RAD54B: variants seen among roughly 807,000 people sequenced by gnomAD.
The protein encoded by RAD54B is RAD54 homolog B, also known as DNA repair and recombination protein RAD54B.
In RAD54B, 78 loss-of-function variants were observed where a neutral mutation model predicts 95.8. The ratio of observed to expected loss-of-function variants is 0.81; its 90% CI spans 0.68 to 0.98. The LOEUF is 0.98. Ranked by LOEUF, RAD54B falls within the 50% of genes least tolerant of loss-of-function variation. The probability of loss-of-function intolerance (pLI) is 0.00; values close to 1 mark genes in which losing one functional copy is unlikely to be tolerated. For synonymous variants in RAD54B, 328 were observed against 354.9 expected, an observed-to-expected ratio of 0.92 and a Z score of 0.85; for missense variants, 957 against 1,056.6, an observed-to-expected ratio of 0.91 and a Z score of 1.31.
intron 14 of RAD54B, among the ~76,000 whole-genome samples, chr8:94,377,911 G>A (rs2129947967): frequency 1.4e-5 from 2 of 146,678 alleles, no homozygotes; most frequent in Middle Eastern, 6.9e-3. Flanking sequence ...GGGAGGCGGA[G>A]CTTGCAGTGA....
At chr8:94,402,793 C>A (rs1811293915) in intron 6 of RAD54B, among the ~76,000 whole-genome samples, 1 of 152,086 alleles carries the variant, frequency 6.6e-6, no homozygotes, top group African/African-American at 2.4e-5. Flanking sequence ...TGAGAAGCAT[C>A]AGAAGCAAAT....
intron 3 of RAD54B, among the ~76,000 whole-genome samples, chr8:94,453,963 G>C (rs1176055407): frequency 6.6e-6 from 1 of 151,836 alleles, no homozygotes; most frequent in Non-Finnish European, 1.5e-5. Context: ...AGCTAATTTT[G>C]TATTTTTAGT....
At chr8:94,435,092 T>C (rs1011540036) in intron 3 of RAD54B, among the ~76,000 whole-genome samples, 5 of 152,164 alleles carry the variant, frequency 3.3e-5, no homozygotes, top group Admixed American at 1.3e-4. Context: ...ATACCTGCGA[T>C]GCAAAAAACA....
chr8:94,464,904 G>C (rs1237006891), intron 2 of RAD54B, among the ~76,000 whole-genome samples: 1 of 152,092 alleles, frequency 6.6e-6, no homozygotes. Context: ...GAGAGCAAAA[G>C]AGGGAGGGGG....
intron 2 of RAD54B, 72 bp downstream of exon 2, chr8:94,467,333 C>T: frequency 7.5e-7 from 1 of 1,325,366 alleles, no homozygotes; most frequent in African/African-American, 1.5e-5. Flanking sequence ...ACTGTTAACT[C>T]TTTAAATGGC....
intron 14 of RAD54B, among the ~76,000 whole-genome samples, chr8:94,375,751 C>T (rs1810552240): frequency 6.6e-6 from 1 of 151,944 alleles, no homozygotes; most frequent in Non-Finnish European, 1.5e-5. Flanking sequence ...GAAAAAGGTA[C>T]AGAAATATAA....
chr8:94,391,009 C>T (rs371911213), intron 10 of RAD54B, among the ~76,000 whole-genome samples: 38 of 152,226 alleles, frequency 2.5e-4, no homozygotes, highest in African/African-American at 8.4e-4. Context: ...GTCATGTTGG[C>T]ACTCAAAAAG....
chr8:94,431,199 T>C (rs187055050), intron 3 of RAD54B: 4 of 927,998 alleles, frequency 4.3e-6, no homozygotes, highest in Admixed American at 1.2e-4. Flanking sequence ...ACTTATAAAA[T>C]ACATAAAATT....
intron 2 of RAD54B, among the ~76,000 whole-genome samples, chr8:94,459,013 T>C (rs1376857798): frequency 6.6e-6 from 1 of 152,196 alleles, no homozygotes; most frequent in African/African-American, 2.4e-5. Flanking sequence ...TATCAGAAGT[T>C]TTTAAACAAA....
At chr8:94,375,339 C>T (rs551134698) in intron 14 of RAD54B, among the ~76,000 whole-genome samples, 47 of 152,216 alleles carry the variant, frequency 3.1e-4, no homozygotes, top group African/African-American at 1.1e-3. Context: ...GGGAAGGACC[C>T]GGTGGGAGAT....
rs1300230969 is a variant in RAD54B at position 94,391,610 on chromosome 8, T to C, written c.1808A>G (p.Lys603Arg). 6.2e-7 allele frequency: 1 copy of C among 1,612,794 alleles called. No homozygotes were observed. Among genetic ancestry groups the C allele is most frequent in the African/African-American group, 1.3e-5 (1 of 74,660 alleles). ...NHPCLLFNSI[K>R]EKECSSTCDK... is the part of the protein sequence containing the mutation. Reference sequence around the variant, plus strand: ...CAGTTTCAGATACTATGCACTTACCTTTATAGAGTTGAACAAAAGGCAGGG... The same window carrying C: ...CAGTTTCAGATACTATGCACTTACCCTTATAGAGTTGAACAAAAGGCAGGG... Residue 603 changes from lysine (K) to arginine (R), a missense_variant and splice_region_variant, in exon 10 of 15, where the codon AAG (lysine) becomes AGG (arginine). Transcript: ENST00000336148.
At chr8:94,458,835 C>A (rs1812836503) in intron 2 of RAD54B, among the ~76,000 whole-genome samples, 1 of 151,774 alleles carries the variant, frequency 6.6e-6, no homozygotes, top group South Asian at 2.1e-4. Context: ...CCACTGCATT[C>A]CAGCCTGGGC....
chr8:94,468,532 GA>G (rs56230686), intron 1 of RAD54B, among the ~76,000 whole-genome samples: 46,923 of 145,122 alleles, frequency 0.32, 7,750 homozygotes, highest in East Asian at 0.44. Flanking sequence ...TTAAAATTAA[GA>G]AAAAAAAAAA....
At chr8:94,403,391 T>C (rs1811307290) in intron 6 of RAD54B, among the ~76,000 whole-genome samples, 1 of 151,912 alleles carries the variant, frequency 6.6e-6, no homozygotes, top group African/African-American at 2.4e-5. Flanking sequence ...TCCAAAATTC[T>C]CATAACCAGG....
chr8:94,407,473 T>C lies in RAD54B; in HGVS notation c.747A>G (p.Gln249=), dbSNP rs189280166. The C allele has an allele frequency of 1.1e-5, 17 of 1,613,742 alleles. No individual in the cohort carries two copies. The African/African-American group carries it at 2.3e-4, about 22-fold the overall frequency. The change falls in exon 5 of 15, where the codon CAA becomes CAG. Residue 249 remains glutamine, a synonymous_variant. Transcript: ENST00000336148. ...ATGGGTCATGGCGTGGTTTGCAATTTTGGAAATCATTCTGTCTATTTTCCT... is the reference window on the plus strand; with the variant it reads ...ATGGGTCATGGCGTGGTTTGCAATTCTGGAAATCATTCTGTCTATTTTCCT... ...SSKENRQNDF[Q]NCKPRHDPYT...
In RAD54B at chr8:94,474,994, G is replaced by A. The variant is rs1241898259; in HGVS notation, c.-17+7C>T. 1.3e-5 allele frequency: 2 copies of A among 152,428 alleles called. No homozygotes were observed. The highest frequency in any genetic ancestry group is 1.5e-5 in the Non-Finnish European group (1 of 68,220). The allele number at this position is 152,428 out of a possible 1,614,324, so 9.4% of individuals were successfully genotyped here. ...CAGCCTCCCGAGCTTCCCCCTGCAG[G>A]ACGCACCGGCGAAAATCTGACAGAA... On this transcript the variant is annotated splice_region_variant and intron_variant, in intron 1 of 14. Transcript: ENST00000336148.
intron 4 of RAD54B, 127 bp from the exon 5 acceptor site, chr8:94,407,847 G>T: frequency 3.2e-6 from 2 of 618,214 alleles, no homozygotes; most frequent in Non-Finnish European, 5.1e-6. Flanking sequence ...CAAAATGGAA[G>T]CATAATTTAA....
chr8:94,387,034 C>T lies in RAD54B; in HGVS notation c.1935G>A (p.Gln645=). 1 of 1,612,170 alleles carries T rather than the reference C, an allele frequency of 6.2e-7. No homozygotes were observed. Among genetic ancestry groups the T allele is most frequent in the Non-Finnish European group, 8.5e-7 (1 of 1,179,426 alleles). Residue 645 remains glutamine, a synonymous_variant, in exon 11 of 15, where the codon CAG becomes CAA. Coordinates refer to ENST00000336148, the MANE Select transcript of RAD54B (RefSeq NM_012415.3). The part of the protein sequence containing the change: ...LFTEKESGKL[Q]VLSKLLAVIH... Reference sequence around the variant, plus strand: ...TAACCGCTAAGAGCTTGGACAACACCTGTAGTTTTCCTGACTCCTTTTCAG... The same window carrying T: ...TAACCGCTAAGAGCTTGGACAACACTTGTAGTTTTCCTGACTCCTTTTCAG...
chr8:94,418,011 G>C (rs1004549174), intron 3 of RAD54B, among the ~76,000 whole-genome samples: 3 of 152,192 alleles, frequency 2.0e-5, no homozygotes, highest in African/African-American at 7.2e-5. Flanking sequence ...GAAGACAAAG[G>C]ACTTAAGTGC....
Sources: gnomAD v4.1 joint callset for allele counts (sites outside exome capture counted in the v4.1 genomes callset) on GRCh38, gnomAD v4.1.1 for gene constraint, MANE v1.5 for transcripts, NCBI Gene and HGNC (gene_info 2026-07-23, HGNC 2026-07-21) for gene names.